ENTPD7: variants seen among roughly 807,000 people sequenced by gnomAD.
ENTPD7 encodes the protein ectonucleoside triphosphate diphosphohydrolase 7.
Under a neutral mutation model 77.9 loss-of-function variants are expected in ENTPD7, and 53 were observed. The ratio of observed to expected loss-of-function variants is 0.68; its 90% CI spans 0.55 to 0.85. The LOEUF is 0.85. ENTPD7 is among the 40% of genes least tolerant of loss of function. The pLI, the probability that ENTPD7 is intolerant of heterozygous loss-of-function variation, is 0.00. For missense variants in ENTPD7, 636 were observed against 743.7 expected (o/e 0.86, Z 1.68); for synonymous variants, 248 against 274.9 (o/e 0.90, Z 0.97).
chr10:99,710,505 A>T lies in ENTPD7; in HGVS notation c.*5822A>T. ...TACATTGCTTTGGGGAGTTGTTAAG[A>T]CTCTGTTTTTTCTACTGCTTCACAT... On this transcript the variant is annotated 3_prime_UTR_variant, in exon 13 of 13. Transcript: ENST00000370489. 1.0e-6 allele frequency: 1 copy of T among 985,140 alleles called. No individual in the cohort carries two copies. Among genetic ancestry groups the T allele is most frequent in the Non-Finnish European group, 1.2e-6 (1 of 829,884 alleles). 61.0% of individuals were successfully genotyped at this position (985,140 alleles called of 1,614,324 possible). A position where few individuals can be genotyped will look rare whatever the true frequency, so the allele number is the denominator to read the frequency against.
rs541573191 is a variant in ENTPD7 at position 99,686,125 on chromosome 10, A to G, written c.652+230A>G. Among the ~76,000 whole-genome samples the G allele has an allele frequency of 3.9e-5, 6 of 152,294 alleles. No individual in the cohort carries two copies. The South Asian group carries it at 1.2e-3, about 32-fold the overall frequency. ...TATATCTCTTTTTAACTTAGTACTA[A>G]GCAATATGTTTATAAGAATGTATTA... On this transcript the variant is annotated intron_variant, in intron 6 of 12. Transcript: ENST00000370489.
intron 3 of ENTPD7, among the ~76,000 whole-genome samples, chr10:99,673,074 G>A (rs370015929): frequency 3.0e-4 from 46 of 152,316 alleles, no homozygotes; most frequent in African/African-American, 1.1e-3. Context: ...GTGACTAGAA[G>A]GAAATCATGT....
At chr10:99,677,619 C>T (rs544082101) in intron 3 of ENTPD7, among the ~76,000 whole-genome samples, 1 of 152,286 alleles carries the variant, frequency 6.6e-6, no homozygotes. Flanking sequence ...CCCACCTCAG[C>T]CTCCCAAAGT....
chr10:99,676,640 T>A (rs971336804), intron 3 of ENTPD7, among the ~76,000 whole-genome samples: 1 of 152,208 alleles, frequency 6.6e-6, no homozygotes, highest in African/African-American at 2.4e-5. Context: ...TTGCAAGAGT[T>A]CTGTGACTTG....
chr10:99,672,775 T>C (rs2035632489), intron 3 of ENTPD7, among the ~76,000 whole-genome samples: 1 of 152,200 alleles, frequency 6.6e-6, no homozygotes, highest in African/African-American at 2.4e-5. Context: ...ATCATTATAT[T>C]TGGTTCTGAG....
At chr10:99,687,297 C>T (rs563905085) in intron 6 of ENTPD7, among the ~76,000 whole-genome samples, 37 of 90,824 alleles carry the variant, frequency 4.1e-4, no homozygotes, top group Non-Finnish European at 7.0e-4. Context: ...GACAGAGTCT[C>T]GCTCTGTCAT....
intron 3 of ENTPD7, among the ~76,000 whole-genome samples, chr10:99,677,092 A>G (rs1348046033): frequency 6.6e-6 from 1 of 152,156 alleles, no homozygotes; most frequent in Non-Finnish European, 1.5e-5. Context: ...AACACTGGCT[A>G]GATTGGTTTC....
chr10:99,682,144 C>T (rs1342093827), intron 5 of ENTPD7, among the ~76,000 whole-genome samples: 4 of 151,554 alleles, frequency 2.6e-5, no homozygotes, highest in African/African-American at 9.7e-5. Context: ...TTCATGGTCT[C>T]ATAGGCATCA....
At chr10:99,693,318 C>A (rs909270550) in intron 8 of ENTPD7, among the ~76,000 whole-genome samples, 9 of 152,148 alleles carry the variant, frequency 5.9e-5, no homozygotes, top group African/African-American at 2.2e-4. Flanking sequence ...ACCCAAGGAA[C>A]ATATATGTCA....
intron 10 of ENTPD7, among the ~76,000 whole-genome samples, chr10:99,699,252 A>T (rs1437226426): frequency 1.3e-5 from 2 of 152,184 alleles, no homozygotes; most frequent in Non-Finnish European, 1.5e-5. Context: ...AGATGATATC[A>T]CCCAGAGGGG....
Position 99,710,189 on chromosome 10 carries a change from T to C in ENTPD7, c.*5506T>C. ...TGGTACTTTCCTAAGTGGCCCCTCC[T>C]ACAGAGCACTTGCCGGCATTTGGCC... On this transcript the variant is annotated 3_prime_UTR_variant, in exon 13 of 13. Transcript: ENST00000370489. 1 of 985,406 alleles carries C rather than the reference T, an allele frequency of 1.0e-6. No homozygotes were observed. Among genetic ancestry groups the C allele is most frequent in the African/African-American group, 1.7e-5 (1 of 57,360 alleles). The allele number at this position is 985,406 out of a possible 1,614,324, so 61.0% of individuals were successfully genotyped here. A position where few individuals can be genotyped will look rare whatever the true frequency, so the allele number is the denominator to read the frequency against.
At chr10:99,683,153 C>T (rs555191656) in intron 5 of ENTPD7, among the ~76,000 whole-genome samples, 5 of 151,840 alleles carry the variant, frequency 3.3e-5, no homozygotes, top group African/African-American at 4.8e-5. Flanking sequence ...CTGGTCACCT[C>T]TCTAAATAAT....
intron 3 of ENTPD7, among the ~76,000 whole-genome samples, chr10:99,675,788 G>A (rs1281400747): frequency 6.6e-6 from 1 of 151,850 alleles, no homozygotes; most frequent in African/African-American, 2.4e-5. Flanking sequence ...AGTAGAGACG[G>A]GGTTTCACCA....
chr10:99,684,267 G>T (rs1161110602), intron 5 of ENTPD7, among the ~76,000 whole-genome samples: 1 of 152,160 alleles, frequency 6.6e-6, no homozygotes, highest in Non-Finnish European at 1.5e-5. Context: ...GGCCAGACTG[G>T]TCTCAAACTC....
chr10:99,691,447 G>A lies in ENTPD7; in HGVS notation c.772G>A (p.Asp258Asn). ...AGRRRTVGIL[D>N]MGGASLQIAY... ...ACGGAGAAGGACAGTAGGGATACTGGATATGGGAGGAGCCTCTCTCCAAAT... is the reference window on the plus strand; with the variant it reads ...ACGGAGAAGGACAGTAGGGATACTGAATATGGGAGGAGCCTCTCTCCAAAT... The change falls in exon 8 of 13, where the codon GAT becomes AAT. Residue 258 changes from aspartate to asparagine, a missense_variant. By Grantham distance (23) the Asp-to-Asn change is conservative (BLOSUM62 1). Coordinates refer to ENST00000370489, the MANE Select transcript of ENTPD7 (RefSeq NM_020354.5). 1 of 1,614,074 alleles carries A rather than the reference G, an allele frequency of 6.2e-7. No individual in the cohort carries two copies. The highest frequency in any genetic ancestry group is 8.5e-7 in the Non-Finnish European group (1 of 1,179,974).
At position 99,709,750 on chromosome 10, in the gene ENTPD7, C is replaced by A; in HGVS notation, c.*5067C>A. 1.0e-6 allele frequency: 1 copy of A among 985,274 alleles called. No homozygotes were observed. The highest frequency in any genetic ancestry group is 4.7e-5 in the South Asian group (1 of 21,290). 61.0% of individuals were successfully genotyped at this position (985,274 alleles called of 1,614,324 possible). On this transcript the variant is annotated 3_prime_UTR_variant, in exon 13 of 13. Coordinates refer to ENST00000370489, the MANE Select transcript of ENTPD7 (RefSeq NM_020354.5). ...AAGCCTGCTCTGTCTACTTATCTTC[C>A]TTATATCCTAATAGACTTCTCTTGT...
At position 99,709,574 on chromosome 10, in the gene ENTPD7, TGAA is replaced by T. The variant is rs2036320253; in HGVS notation, c.*4892_*4894del. On this transcript the variant is annotated 3_prime_UTR_variant, in exon 13 of 13. Coordinates refer to ENST00000370489, the MANE Select transcript of ENTPD7 (RefSeq NM_020354.5). ...GATTAATACTATAGAATAGCAACAG[TGAA>T]TATACCTCAAATTGAAAACTTTTAG... 2 of 983,496 alleles carry T rather than the reference TGAA, an allele frequency of 2.0e-6. No individual in the cohort carries two copies. The highest frequency in any genetic ancestry group is 9.4e-5 in the South Asian group (2 of 21,242). The allele number at this position is 983,496 out of a possible 1,614,324, so 60.9% of individuals were successfully genotyped here.
At chr10:99,667,017 G>A (rs1406791322) in intron 3 of ENTPD7, among the ~76,000 whole-genome samples, 1 of 152,178 alleles carries the variant, frequency 6.6e-6, no homozygotes, top group Admixed American at 6.5e-5. Flanking sequence ...TATGTGGGTG[G>A]CAGAGTGATC....
At chr10:99,682,421 C>T (rs570961972) in intron 5 of ENTPD7, among the ~76,000 whole-genome samples, 2 of 152,250 alleles carry the variant, frequency 1.3e-5, no homozygotes, top group South Asian at 4.1e-4. Flanking sequence ...ATTTATATAG[C>T]CATTTGTCAA....
Sources: allele counts gnomAD v4.1 joint callset (sites outside exome capture counted in the v4.1 genomes callset), GRCh38; gene constraint gnomAD v4.1.1; transcripts MANE v1.5; gene names NCBI Gene and HGNC (gene_info 2026-07-23, HGNC 2026-07-21).